Variants in PCDH15 observed in about 807,000 individuals in gnomAD.
PCDH15 encodes the protein protocadherin related 15, also known as protocadherin-15.
Under a neutral mutation model 178.5 loss-of-function variants are expected in PCDH15, and 129 were observed. The ratio of observed to expected loss-of-function variants is 0.72; its 90% CI spans 0.63 to 0.84. PCDH15 has a LOEUF of 0.84. Ranked by LOEUF, PCDH15 falls within the 40% of genes least tolerant of loss-of-function variation. The pLI is 0.00. For synonymous variants in PCDH15, 800 were observed against 732.0 expected (o/e 1.09, Z -1.50); for missense variants, 2,230 against 2,099.9 (o/e 1.06, Z -1.21).
intron 2 of PCDH15, among the ~76,000 whole-genome samples, chr10:54,649,651 G>A (rs1184500582): frequency 2.6e-5 from 4 of 152,098 alleles, no homozygotes; most frequent in African/African-American, 9.7e-5. Flanking sequence ...ATACATGTGT[G>A]TGTATGTGTG....
intron 1 of PCDH15, among the ~76,000 whole-genome samples, chr10:55,229,729 G>C (rs1841157668): frequency 6.6e-6 from 1 of 151,876 alleles, no homozygotes; most frequent in African/African-American, 2.4e-5. Flanking sequence ...AATCCTGCAG[G>C]CTTAAGAGAA....
intron 14 of PCDH15, among the ~76,000 whole-genome samples, chr10:54,144,439 A>T (rs903851107): frequency 3.3e-5 from 5 of 152,146 alleles, no homozygotes; most frequent in African/African-American, 1.2e-4. Context: ...AAGAAATGAA[A>T]CGCACCAGAT....
chr10:53,909,213 T>A (rs995503734), intron 25 of PCDH15, among the ~76,000 whole-genome samples: 1 of 152,164 alleles, frequency 6.6e-6, no homozygotes, highest in Non-Finnish European at 1.5e-5. Flanking sequence ...TCTTTCCTGC[T>A]GCCTTGTGAA....
intron 1 of PCDH15, among the ~76,000 whole-genome samples, chr10:54,714,978 A>T (rs190023925): frequency 6.6e-6 from 1 of 152,260 alleles, no homozygotes; most frequent in African/African-American, 2.4e-5. Context: ...TAAAAAGTTT[A>T]AAACCAACTG....
intron 8 of PCDH15, among the ~76,000 whole-genome samples, chr10:54,298,984 C>T (rs1010779558): frequency 6.6e-6 from 1 of 152,166 alleles, no homozygotes; most frequent in Non-Finnish European, 1.5e-5. Context: ...CTGGGGGAAC[C>T]CCCATTAAAT....
chr10:54,056,775 C>T (rs1284846541), intron 18 of PCDH15, among the ~76,000 whole-genome samples: 1 of 152,016 alleles, frequency 6.6e-6, no homozygotes. Flanking sequence ...AGTTGAAGTC[C>T]GAAGTCTTAT....
chr10:54,141,502 G>A lies in PCDH15; in HGVS notation c.1785-8495C>T, dbSNP rs189860352. On this transcript the variant is annotated intron_variant, in intron 14 of 37. Transcript: ENST00000644397. ...TAATTCAATTCAATCAATAATTTCAGTTGGTTCAGATCCTTTCCTTTAGTG... is the reference window on the plus strand; with the variant it reads ...TAATTCAATTCAATCAATAATTTCAATTGGTTCAGATCCTTTCCTTTAGTG... 2.9e-4 allele frequency among the ~76,000 whole-genome samples: 44 copies of A among 152,236 alleles called. 1 individual carries two copies. The highest frequency in any genetic ancestry group is 5.0e-4 in the Non-Finnish European group (34 of 68,008).
intron 1 of PCDH15, among the ~76,000 whole-genome samples, chr10:55,296,687 C>T (rs780237013): frequency 2.6e-4 from 39 of 152,058 alleles, no homozygotes; most frequent in Non-Finnish European, 5.1e-4. Context: ...ATTTGCAGAA[C>T]GCTTTCATTG....
chr10:54,576,805 G>GT (rs549752210), intron 2 of PCDH15, among the ~76,000 whole-genome samples: 48 of 152,238 alleles, frequency 3.2e-4, no homozygotes, highest in Non-Finnish European at 4.3e-4. Flanking sequence ...AGTGATGTTT[G>GT]TTCCATTAGT....
At chr10:55,364,140 C>T (rs772455181) in intron 2 of PCDH15, among the ~76,000 whole-genome samples, 5 of 152,082 alleles carry the variant, frequency 3.3e-5, no homozygotes, top group African/African-American at 1.2e-4. Context: ...CTTCCTGCCA[C>T]CTTGCGAAGA....
chr10:54,198,510 T>TTTTTTTA, intron 10 of PCDH15, among the ~76,000 whole-genome samples: 1 of 27,122 alleles, frequency 3.7e-5, no homozygotes, highest in Non-Finnish European at 5.7e-5. Context: ...TTTTTTTTTT[T>TTTTTTTA]TTTTTTTTTG....
At chr10:54,030,385 T>G (rs1291877400) in intron 18 of PCDH15, among the ~76,000 whole-genome samples, 1 of 150,646 alleles carries the variant, frequency 6.6e-6, no homozygotes, top group Non-Finnish European at 1.5e-5. Flanking sequence ...TTTTTTTTTT[T>G]TTTAAGGAGC....
At chr10:54,543,135 A>G (rs1273661642) in intron 2 of PCDH15, among the ~76,000 whole-genome samples, 1 of 152,164 alleles carries the variant, frequency 6.6e-6, no homozygotes, top group African/African-American at 2.4e-5. Context: ...GCCCACTCCA[A>G]GGGAAAACCA....
At chr10:54,904,962 A>G (rs1356829585) in intron 2 of PCDH15, among the ~76,000 whole-genome samples, 1 of 150,598 alleles carries the variant, frequency 6.6e-6, no homozygotes, top group Non-Finnish European at 1.5e-5. Context: ...TTCCTTGAGC[A>G]TCTGCTATGT....
Position 54,900,836 on chromosome 10 carries a change from G to A in PCDH15, c.-79-3336C>T, listed in dbSNP as rs142849441. Among the ~76,000 whole-genome samples, 643 of 152,194 alleles carry A rather than the reference G, an allele frequency of 4.2e-3. 4 individuals carry two copies. Among genetic ancestry groups the A allele is most frequent in the Admixed American group, 8.8e-3 (134 of 15,264 alleles). ...AATGTTTCAGTTTCAGAATAAGCAA[G>A]CCAAGCTACCAAAAAGCTCTCCCCT... On this transcript the variant is annotated intron_variant, in intron 2 of 5. Coordinates refer to the PCDH15 transcript ENST00000458638.
At chr10:55,249,299 C>A (rs976074438) in intron 1 of PCDH15, among the ~76,000 whole-genome samples, 1 of 152,060 alleles carries the variant, frequency 6.6e-6, no homozygotes, top group African/African-American at 2.4e-5. Flanking sequence ...ATTTTAAATT[C>A]TTGGAATAAA....
intron 2 of PCDH15, among the ~76,000 whole-genome samples, chr10:55,367,961 A>T (rs1235903852): frequency 1.3e-5 from 2 of 152,074 alleles, no homozygotes; most frequent in African/African-American, 4.8e-5. Flanking sequence ...AGTGTAAAAA[A>T]TCTCTGGCCT....
intron 3 of PCDH15, among the ~76,000 whole-genome samples, chr10:54,892,244 G>T (rs1564608867): frequency 1.3e-5 from 2 of 152,046 alleles, no homozygotes; most frequent in African/African-American, 2.4e-5. Context: ...GAATATGGAG[G>T]CTTCTGTTGT....
Position 55,470,572 on chromosome 10 carries a change from A to G in PCDH15, c.-156+157053T>C, listed in dbSNP as rs189699472. On this transcript the variant is annotated intron_variant, in intron 2 of 5. Coordinates refer to the PCDH15 transcript ENST00000613346. ...TTAAGTTCATAGCAATTCCATGCAG[A>G]AGGCTTTTATGCATAGCCTCTTTTA... Among the ~76,000 whole-genome samples, 41 of 152,272 alleles carry G rather than the reference A, an allele frequency of 2.7e-4. 1 individual carries two copies. Among genetic ancestry groups the G allele is most frequent in the African/African-American group, 9.6e-4 (40 of 41,554 alleles).
Sources: allele counts gnomAD v4.1 joint callset (sites outside exome capture counted in the v4.1 genomes callset), GRCh38; gene constraint gnomAD v4.1.1; transcripts MANE v1.5; gene names NCBI Gene and HGNC (gene_info 2026-07-23, HGNC 2026-07-21).